Variants in ABL2 observed in about 807,000 individuals in gnomAD.
ABL2 encodes the protein ABL proto-oncogene 2, non-receptor tyrosine kinase.
Under a neutral mutation model 107.7 loss-of-function variants are expected in ABL2, and 49 were observed. The ratio of observed to expected loss-of-function variants is 0.45; its 90% CI spans 0.36 to 0.58. The LOEUF (loss-of-function observed/expected upper bound fraction) is 0.58, where lower values mean the gene tolerates loss of function less well. Ranked by LOEUF, ABL2 falls within the 20% of genes least tolerant of loss-of-function variation. The probability of loss-of-function intolerance (pLI) is 0.00; values close to 1 mark genes in which losing one functional copy is unlikely to be tolerated. For synonymous variants in ABL2, 549 were observed against 548.6 expected (o/e 1.00, Z -0.01); for missense variants, 1,245 against 1,457.0 (o/e 0.85, Z 2.37).
intron 1 of ABL2, among the ~76,000 whole-genome samples, chr1:179,145,955 G>A (rs1460564693): frequency 1.3e-5 from 2 of 150,326 alleles, no homozygotes; most frequent in Admixed American, 6.7e-5. Flanking sequence ...GTGCAGTGGC[G>A]TGATCTTGGC....
At chr1:179,163,256 TG>T (rs1489147147) in intron 1 of ABL2, among the ~76,000 whole-genome samples, 2 of 152,162 alleles carry the variant, frequency 1.3e-5, no homozygotes, top group Non-Finnish European at 2.9e-5. Flanking sequence ...GCAGACCAAC[TG>T]GAACTCTTAC....
In ABL2 at chr1:179,117,398, G is replaced by A. The variant is rs866780586; in HGVS notation, c.1342C>T (p.Pro448Ser). The A allele has an allele frequency of 6.2e-7, 1 of 1,614,142 alleles. No individual in the cohort carries two copies. The highest frequency in any genetic ancestry group is 8.5e-7 in the Non-Finnish European group (1 of 1,180,016). The change falls in exon 8 of 12, where the codon CCT (proline) becomes TCT (serine). Residue 448 changes from proline (P) to serine (S), a missense_variant. By Grantham distance (74) the Pro-to-Ser change is moderately conservative. Around this residue, in one of 3 missense-constraint regions of ABL2, gnomAD observed 320 missense variants for 547.0 expected, o/e 0.59. Coordinates refer to ENST00000502732, the MANE Select transcript of ABL2 (RefSeq NM_007314.4). The stretch of plus-strand genomic sequence containing the variant: ...CTCTCTGGTGCTGTCCACTTAATAG[G>A]AAATTTGGCTCCAGCATGAGCAGTA... ...TYTAHAGAKFPIKWTAPESLA... is the reference protein window; with the variant it reads ...TYTAHAGAKFSIKWTAPESLA...
At position 179,205,436 on chromosome 1, in the gene ABL2, G is replaced by A. The variant is rs1286131078; in HGVS notation, c.157+23805C>T. Among the ~76,000 whole-genome samples, 43 of 152,220 alleles carry A rather than the reference G, an allele frequency of 2.8e-4. 1 individual carries two copies. The highest frequency in any genetic ancestry group is 2.8e-3 in the Admixed American group (43 of 15,290). ...GAGACCACATGACTTGCTTTGGCCA[G>A]TGAGATATAAAAGGAAGTGACATAT... On this transcript the variant is annotated intron_variant, in intron 1 of 11. Transcript: ENST00000502732.
At chr1:179,139,081 C>T (rs559483782) in intron 1 of ABL2, among the ~76,000 whole-genome samples, 9 of 152,330 alleles carry the variant, frequency 5.9e-5, no homozygotes, top group Admixed American at 3.3e-4. Context: ...GCTGCCTTCC[C>T]GCGGGGCAGG....
chr1:179,153,322 C>A (rs1298965989), intron 1 of ABL2, among the ~76,000 whole-genome samples: 4 of 152,008 alleles, frequency 2.6e-5, no homozygotes, highest in Non-Finnish European at 4.4e-5. Flanking sequence ...TTTCCTGCAG[C>A]TGCTATAACC....
At chr1:179,225,114 G>C (rs890934612) in intron 1 of ABL2, among the ~76,000 whole-genome samples, 1 of 152,088 alleles carries the variant, frequency 6.6e-6, no homozygotes, top group African/African-American at 2.4e-5. Context: ...TACCAAAAAT[G>C]GCTCTATTAT....
intron 1 of ABL2, among the ~76,000 whole-genome samples, chr1:179,182,526 ACTTT>A: frequency 6.6e-6 from 1 of 152,264 alleles, no homozygotes. Flanking sequence ...AGCATATTTG[ACTTT>A]CTGTTTCTGA....
intron 3 of ABL2, among the ~76,000 whole-genome samples, chr1:179,128,293 G>A (rs367778538): frequency 1.4e-4 from 21 of 151,856 alleles, no homozygotes; most frequent in African/African-American, 4.8e-4. Flanking sequence ...CTGGTGTAGC[G>A]GTGGATATGC....
Position 179,229,177 on chromosome 1 carries a change from A to AAC in ABL2, c.157+63_157+64insGT. 3 of 198,888 alleles carry AAC rather than the reference A, an allele frequency of 1.5e-5. 1 individual carries two copies. The highest frequency in any genetic ancestry group is 4.1e-4 in the Admixed American group (2 of 4,894). 12.3% of individuals were successfully genotyped at this position (198,888 alleles called of 1,614,324 possible). A position where few individuals can be genotyped will look rare whatever the true frequency, so the allele number is the denominator to read the frequency against. On this transcript the variant is annotated intron_variant, in intron 1 of 11. Transcript: ENST00000502732. ...CCCTCGGGCAGCCCGTCCGCCACCC[A>AAC]CCCCGCCCCGACCCCACCCCCGGCC...
intron 1 of ABL2, among the ~76,000 whole-genome samples, chr1:179,147,181 CAAAAAAA>C (rs58297805): frequency 9.9e-5 from 5 of 50,536 alleles, no homozygotes; most frequent in African/African-American, 3.8e-4. Context: ...CAGAGAAATG[CAAAAAAA>C]AAAAAAAAAA....
At chr1:179,131,245 G>A in intron 3 of ABL2, 66 bp downstream of exon 3, 1 of 1,541,926 alleles carries the variant, frequency 6.5e-7, no homozygotes, top group Non-Finnish European at 8.8e-7. Context: ...TGCCTGGCCA[G>A]GCCCCTTTAT....
At chr1:179,141,658 G>C (rs766604300) in intron 1 of ABL2, among the ~76,000 whole-genome samples, 1 of 152,036 alleles carries the variant, frequency 6.6e-6, no homozygotes, top group Non-Finnish European at 1.5e-5. Flanking sequence ...CTGGTTTTAC[G>C]GTCTTTTTGG....
intron 1 of ABL2, among the ~76,000 whole-genome samples, chr1:179,187,240 A>T (rs2636280): frequency 1.3e-5 from 2 of 152,092 alleles, no homozygotes; most frequent in African/African-American, 2.4e-5. Flanking sequence ...CAGATGCAGC[A>T]GGTTTGCCAG....
At position 179,121,860 on chromosome 1, in the gene ABL2, A is replaced by G; in HGVS notation, c.695T>C (p.Val232Ala). The change falls in exon 5 of 12, where the codon GTG becomes GCG. Residue 232 changes from valine to alanine, a missense_variant. Val to Ala is a moderately conservative substitution (Grantham distance 64). Around this residue, in one of 3 missense-constraint regions of ABL2, gnomAD observed 320 missense variants for 547.0 expected, o/e 0.59. Coordinates refer to ENST00000502732, the MANE Select transcript of ABL2 (RefSeq NM_007314.4). ...INTTADGKVY[V>A]TAESRFSTLA... ...GGTGCTGAAGCGGCTCTCAGCAGTC[A>G]CATACACCTGGTAAGAAAAGGAGAA... The G allele has an allele frequency of 6.2e-7, 1 of 1,606,290 alleles. No homozygotes were observed. The highest frequency in any genetic ancestry group is 8.5e-7 in the Non-Finnish European group (1 of 1,176,498).
rs542139741 is a variant in ABL2, at chr1:179,155,088, G to A, written c.158-21714C>T. ...GTGTAACCAGGATTCAAAACACTAGGTCTTTTCTAATTCCAAAGCCCATGC... is the reference window on the plus strand; with the variant it reads ...GTGTAACCAGGATTCAAAACACTAGATCTTTTCTAATTCCAAAGCCCATGC... On this transcript the variant is annotated intron_variant, in intron 1 of 11. Coordinates refer to ENST00000502732, the MANE Select transcript of ABL2 (RefSeq NM_007314.4). Among the ~76,000 whole-genome samples, 19 of 152,280 alleles carry A rather than the reference G, an allele frequency of 1.2e-4. No homozygotes were observed. The South Asian group carries it at 3.7e-3, about 30-fold the overall frequency.
intron 1 of ABL2, among the ~76,000 whole-genome samples, chr1:179,195,231 T>C (rs1334899330): frequency 6.6e-6 from 1 of 152,120 alleles, no homozygotes; most frequent in Non-Finnish European, 1.5e-5. Flanking sequence ...GAGGTTGCAG[T>C]GAGCTGAGAT....
chr1:179,118,747 G>A lies in ABL2; in HGVS notation c.1063C>T (p.Pro355Ser). 6.2e-7 allele frequency: 1 copy of A among 1,613,900 alleles called. No individual in the cohort carries two copies. The highest frequency in any genetic ancestry group is 8.5e-7 in the Non-Finnish European group (1 of 1,179,962). ...VQLLGVCTLE[P>S]PFYIVTEYMP... ...TATTCAGTCACAATGTAAAATGGTGGCTCCAAAGTACACACACCTAAAAGT... is the reference window on the plus strand; with the variant it reads ...TATTCAGTCACAATGTAAAATGGTGACTCCAAAGTACACACACCTAAAAGT... Residue 355 changes from proline to serine, a missense_variant, in exon 7 of 12, where the codon CCA becomes TCA. Pro to Ser is a moderately conservative substitution (Grantham distance 74). Around this residue, in one of 3 missense-constraint regions of ABL2, gnomAD observed 320 missense variants for 547.0 expected, o/e 0.59. Coordinates refer to ENST00000502732, the MANE Select transcript of ABL2 (RefSeq NM_007314.4).
At chr1:179,137,709 T>C (rs1657165645) in intron 1 of ABL2, 2 of 152,156 alleles carry the variant, frequency 1.3e-5, no homozygotes, top group South Asian at 4.1e-4. Flanking sequence ...TATATTAAAT[T>C]TTAAAGTTTA....
chr1:179,199,480 C>G (rs1247434395), intron 1 of ABL2, among the ~76,000 whole-genome samples: 2 of 150,894 alleles, frequency 1.3e-5, no homozygotes, highest in Non-Finnish European at 3.0e-5. Flanking sequence ...TTTACCTTCT[C>G]TCTTTTTCTC....
Sources: allele counts gnomAD v4.1 joint callset (sites outside exome capture counted in the v4.1 genomes callset), GRCh38; gene constraint gnomAD v4.1.1; regional missense constraint gnomAD v4.1.1; transcripts MANE v1.5; gene names NCBI Gene and HGNC (gene_info 2026-07-23, HGNC 2026-07-21).